The following TP53BP2 variants were observed in gnomAD, a reference collection of about 807,000 sequenced individuals.
TP53BP2 encodes tumor protein p53 binding protein 2.
A neutral mutation model predicts 126.2 loss-of-function variants in TP53BP2; 62 were observed. That is an observed-to-expected ratio of 0.49 (90% CI 0.40 to 0.61). The LOEUF is 0.61. Ranked by LOEUF, TP53BP2 falls within the 20% of genes least tolerant of loss-of-function variation. The pLI, the probability that TP53BP2 is intolerant of heterozygous loss-of-function variation, is 0.00. For synonymous variants in TP53BP2, 485 were observed against 502.9 expected (o/e 0.96, Z 0.48); for missense variants, 1,215 against 1,402.8 (o/e 0.87, Z 2.14).
chr1:223,820,794 AG>A (rs1170424960), intron 2 of TP53BP2, among the ~76,000 whole-genome samples: 2 of 152,214 alleles, frequency 1.3e-5, no homozygotes, highest in African/African-American at 4.8e-5. Flanking sequence ...ATTGATTTCA[AG>A]GCTTACAATA....
At chr1:223,844,235 T>C (rs561196558) in intron 1 of TP53BP2, among the ~76,000 whole-genome samples, 6 of 152,164 alleles carry the variant, frequency 3.9e-5, no homozygotes, top group Non-Finnish European at 8.8e-5. Flanking sequence ...TACTGCTAAA[T>C]TGAATATAGT....
chr1:223,810,629 TAAAAC>T, intron 3 of TP53BP2, 116 bp from the exon 4 acceptor site: 3 of 735,456 alleles, frequency 4.1e-6, no homozygotes, highest in South Asian at 4.4e-5. Flanking sequence ...AATGTATTCT[TAAAAC>T]AAAATATTTT....
chr1:223,843,707 G>A lies in TP53BP2; in HGVS notation c.27+1947C>T, dbSNP rs1325833423. ...ATGGCTTTTCCTGATAAATTGGTTA[G>A]AATTTTCCAAAGCAATGTAACAAAA... On this transcript the variant is annotated intron_variant, in intron 1 of 17. Transcript: ENST00000343537. Among the ~76,000 whole-genome samples the A allele has an allele frequency of 5.3e-5, 8 of 152,110 alleles. No homozygotes were observed. The South Asian group carries it at 1.5e-3, about 28-fold the overall frequency.
At chr1:223,818,791 CT>C (rs1419687800) in intron 2 of TP53BP2, among the ~76,000 whole-genome samples, 1 of 151,342 alleles carries the variant, frequency 6.6e-6, no homozygotes, top group Non-Finnish European at 1.5e-5. Flanking sequence ...GTTGGCCAGG[CT>C]GGTCTCAAAC....
rs1159561429 is a variant in TP53BP2 at position 223,796,537 on chromosome 1, T to C, written c.2002A>G (p.Asn668Asp). The change falls in exon 13 of 18, where the codon AAC (asparagine) becomes GAC (aspartate). Residue 668 changes from asparagine to aspartate, a missense_variant. This residue lies in a region of TP53BP2 where 814 missense variants were observed against 853.0 expected (regional missense o/e 0.95). Transcript: ENST00000343537. This position sits in a 1 kb window ranked among gnomAD's most constrained non-coding sequence, Gnocchi z 4.2. ...AAQNQQQHPE[N>D]IYSNSQGKPG... ...TTGCCCTGGCTATTGGAATAAATGT[T>C]CTCTGGGTGCTGCTGTTGATTCTGG... 2.5e-6 allele frequency: 4 copies of C among 1,613,772 alleles called. No homozygotes were observed. The Admixed American group carries it at 5.0e-5, about 20-fold the overall frequency.
At chr1:223,811,667 T>C (rs941525775) in intron 3 of TP53BP2, among the ~76,000 whole-genome samples, 1 of 152,348 alleles carries the variant, frequency 6.6e-6, no homozygotes, top group Admixed American at 6.5e-5. Context: ...TAATTTCATA[T>C]ACATTCAGGG....
chr1:223,818,337 A>G (rs1227423679), intron 2 of TP53BP2: 2 of 151,970 alleles, frequency 1.3e-5, no homozygotes, highest in Admixed American at 6.6e-5. Flanking sequence ...CTCTATCTCT[A>G]CTAAAAATAC....
chr1:223,799,918 T>C lies in TP53BP2; in HGVS notation c.1466A>G (p.Asp489Gly), dbSNP rs1461077218. 3 of 1,596,362 alleles carry C rather than the reference T, an allele frequency of 1.9e-6. No individual in the cohort carries two copies. Among genetic ancestry groups the C allele is most frequent in the Admixed American group, 1.8e-5 (1 of 54,204 alleles). ...AGGTACCTGAGCATCCCGCAAGATA[T>C]CTTCACTGCTCTGGTTCTTCCTCAG... is the stretch of plus-strand genomic sequence containing the variant. ...GTLRKNQSSE[D>G]ILRDAQVANK... Residue 489 changes from aspartate to glycine, a missense_variant, in exon 11 of 18, where the codon GAT becomes GGT. Physicochemically the swap from Asp to Gly is moderately conservative, Grantham distance 94 (BLOSUM62 -1). Coordinates refer to ENST00000343537, the MANE Select transcript of TP53BP2 (RefSeq NM_001031685.3).
chr1:223,810,533 A>T lies in TP53BP2; in HGVS notation c.290-20T>A. On this transcript the variant is annotated intron_variant, in intron 3 of 17. Transcript: ENST00000343537. ...CACTCACTAAGGACAAAATTCAAAA[A>T]CTATGCATTAACACTAGAGTTGACA... 1 of 1,533,840 alleles carries T rather than the reference A, an allele frequency of 6.5e-7. No homozygotes were observed. The highest frequency in any genetic ancestry group is 1.4e-5 in the African/African-American group (1 of 73,372).
intron 2 of TP53BP2, 59 bp from the exon 3 acceptor site, chr1:223,814,412 T>C (rs1663016124): frequency 3.3e-6 from 4 of 1,198,436 alleles, no homozygotes; most frequent in Non-Finnish European, 4.9e-6. Context: ...AAATATATCA[T>C]TCACCATCTA....
chr1:223,780,515 G>A lies in TP53BP2; in HGVS notation c.*338C>T, dbSNP rs1249902255. 1 of 227,182 alleles carries A rather than the reference G, an allele frequency of 4.4e-6. No individual in the cohort carries two copies. The highest frequency in any genetic ancestry group is 8.7e-6 in the Non-Finnish European group (1 of 115,398). The allele number at this position is 227,182 out of a possible 1,614,324, so 14.1% of individuals were successfully genotyped here. A position where few individuals can be genotyped will look rare whatever the true frequency, so the allele number is the denominator to read the frequency against. On this transcript the variant is annotated 3_prime_UTR_variant, in exon 18 of 18. Coordinates refer to ENST00000343537, the MANE Select transcript of TP53BP2 (RefSeq NM_001031685.3). Reference sequence around the variant, plus strand: ...GCTGCTGAAAACACTCAACAGGACAGAGAGCTGATTTCCCAACTGCCCAAT... The same window carrying A: ...GCTGCTGAAAACACTCAACAGGACAAAGAGCTGATTTCCCAACTGCCCAAT...
intron 1 of TP53BP2, among the ~76,000 whole-genome samples, chr1:223,839,346 A>C (rs1241298566): frequency 6.6e-6 from 1 of 152,250 alleles, no homozygotes; most frequent in Middle Eastern, 3.2e-3. Context: ...CTAAATCACC[A>C]GGCACAGTGT....
At chr1:223,804,466 G>A (rs548155865) in intron 5 of TP53BP2, 118 bp from the exon 6 acceptor site, 1 of 892,174 alleles carries the variant, frequency 1.1e-6, no homozygotes, top group South Asian at 1.5e-5. Context: ...ACCCTGGTCT[G>A]GTCTCACCTT....
At chr1:223,819,366 C>A (rs368476282) in intron 2 of TP53BP2, among the ~76,000 whole-genome samples, 23 of 151,966 alleles carry the variant, frequency 1.5e-4, no homozygotes, top group African/African-American at 4.8e-4. Flanking sequence ...AATGGAGACA[C>A]ACAGAGAGAA....
chr1:223,780,831 A>C lies in TP53BP2; in HGVS notation c.*22T>G, dbSNP rs747215415. On this transcript the variant is annotated 3_prime_UTR_variant, in exon 18 of 18. Coordinates refer to ENST00000343537, the MANE Select transcript of TP53BP2 (RefSeq NM_001031685.3). ...CTTAACAGAGATTAATTCTTCATTG[A>C]CTAAAATTCTGTGTGGAAGTTTCAG... 3 of 1,611,582 alleles carry C rather than the reference A, an allele frequency of 1.9e-6. No individual in the cohort carries two copies. The highest frequency in any genetic ancestry group is 3.4e-5 in the Admixed American group (2 of 59,544).
intron 1 of TP53BP2, chr1:223,845,337 A>C (rs1664229373): frequency 1.2e-6 from 1 of 827,776 alleles, no homozygotes; most frequent in Admixed American, 6.2e-5. Flanking sequence ...AACTGCAAAA[A>C]AGTCAAGACC....
At chr1:223,820,968 C>T (rs925864819) in intron 2 of TP53BP2, 2 of 540,644 alleles carry the variant, frequency 3.7e-6, no homozygotes, top group African/African-American at 3.8e-5. Flanking sequence ...GAGCACCATC[C>T]ACTGGACCAC....
At chr1:223,793,500 C>A (rs1662218793) in intron 13 of TP53BP2, 60 bp from the exon 14 acceptor site, 2 of 1,426,850 alleles carry the variant, frequency 1.4e-6, no homozygotes, top group Non-Finnish European at 1.8e-6. Context: ...ACAACAGCAG[C>A]AAATGGGAAG....
rs969110216 is a variant in TP53BP2, at chr1:223,820,990, T to G, written c.175+230A>C. The G allele has an allele frequency of 8.5e-5, 49 of 578,984 alleles. No homozygotes were observed. In the Admixed American group the frequency reaches 1.5e-3, roughly 17 times the overall value. 35.9% of individuals were successfully genotyped at this position (578,984 alleles called of 1,614,324 possible). On this transcript the variant is annotated intron_variant, in intron 2 of 17. Transcript: ENST00000343537. ...ATCCACTGGACCACAACAGCCCAGA[T>G]GACCTTTTGTATTTTATATTGTGGT...
Sources: allele counts gnomAD v4.1 joint callset (sites outside exome capture counted in the v4.1 genomes callset), GRCh38; gene constraint gnomAD v4.1.1; regional missense constraint gnomAD v4.1.1; non-coding constraint Gnocchi (gnomAD v3.1); transcripts MANE v1.5; gene names NCBI Gene and HGNC (gene_info 2026-07-23, HGNC 2026-07-21).